The following GNG7 variants were observed in gnomAD, a reference collection of about 807,000 sequenced individuals.
GNG7 encodes G protein subunit gamma 7, also known as guanine nucleotide-binding protein G(I)/G(S)/G(O) subunit gamma-7.
Under a neutral mutation model 4.0 loss-of-function variants are expected in GNG7, and 1 was observed. That is an observed-to-expected ratio of 0.25 (90% CI 0.09 to 1.18). The LOEUF (loss-of-function observed/expected upper bound fraction) is 1.18. Ranked by LOEUF, GNG7 falls within the 50% of genes most tolerant of loss-of-function variation. The pLI, the probability that GNG7 is intolerant of heterozygous loss-of-function variation, is 0.50. For missense variants in GNG7, 86 were observed against 91.9 expected (o/e 0.94, Z 0.26); for synonymous variants, 34 against 36.9 (o/e 0.92, Z 0.29).
chr19:2,650,389 A>C (rs886900730), intron 1 of GNG7, among the ~76,000 whole-genome samples: 2 of 151,944 alleles, frequency 1.3e-5, no homozygotes, highest in African/African-American at 4.8e-5. Flanking sequence ...GGGTTTCCTC[A>C]TGTTGGCCAG....
At position 2,614,921 on chromosome 19, in the gene GNG7, G is replaced by C. The variant is rs1039899142; in HGVS notation, c.-78+31303C>G. ...ACACATCAATTCTCAATGCCAAGGC[G>C]TTCCTCAGCTTTTAAACAAGGCACT... On this transcript the variant is annotated intron_variant, in intron 2 of 4. Coordinates refer to ENST00000382159, the MANE Select transcript of GNG7 (RefSeq NM_052847.3). The surrounding 1 kb of genome is among the most constrained non-coding windows in gnomAD (Gnocchi z 6.0). Among the ~76,000 whole-genome samples the C allele has an allele frequency of 6.6e-6, 1 of 152,180 alleles. No homozygotes were observed. Among genetic ancestry groups the C allele is most frequent in the Admixed American group, 6.5e-5 (1 of 15,276 alleles).
intron 2 of GNG7, among the ~76,000 whole-genome samples, chr19:2,624,630 T>C (rs2144836091): frequency 6.6e-6 from 1 of 152,050 alleles, no homozygotes; most frequent in East Asian, 1.9e-4. Context: ...TTGCCGGTGG[T>C]GCCACAGCAC....
At chr19:2,676,660 C>A (rs8107994) in intron 1 of GNG7, among the ~76,000 whole-genome samples, 48,641 of 151,950 alleles carry the variant, frequency 0.32, 8,947 homozygotes, top group East Asian at 0.55. Flanking sequence ...AAGTGATCCT[C>A]CCGCCTCGGC....
At chr19:2,573,582 C>T (rs1335269035) in intron 2 of GNG7, among the ~76,000 whole-genome samples, 5 of 151,852 alleles carry the variant, frequency 3.3e-5, no homozygotes, top group Middle Eastern at 6.8e-3. Context: ...TTTCGGAGGC[C>T]GAGGCGGGCA....
chr19:2,611,593 T>C lies in GNG7; in HGVS notation c.-78+34631A>G, dbSNP rs1450649398. 1 of 152,232 alleles carries C rather than the reference T, an allele frequency of 6.6e-6. No homozygotes were observed. Among genetic ancestry groups the C allele is most frequent in the Non-Finnish European group, 1.5e-5 (1 of 68,064 alleles). 9.4% of individuals were successfully genotyped at this position (152,232 alleles called of 1,614,324 possible). On this transcript the variant is annotated intron_variant, in intron 2 of 4. Transcript: ENST00000382159. This position sits in a 1 kb window ranked among gnomAD's most constrained non-coding sequence, Gnocchi z 6.0. ...GGCTCACGCCTGTAATCCCAGCACT[T>C]GGAGAGGCCAAGGTGGGAGGATAAC...
At chr19:2,698,920 C>A (rs991066278) in intron 1 of GNG7, among the ~76,000 whole-genome samples, 3 of 152,216 alleles carry the variant, frequency 2.0e-5, no homozygotes, top group African/African-American at 7.2e-5. Flanking sequence ...CAGAAAATAA[C>A]GGTATCGGTC....
At position 2,512,260 on chromosome 19, in the gene GNG7, C is replaced by T. The variant is rs16991186; in HGVS notation, c.*2762G>A. 9.1e-6 allele frequency: 9 copies of T among 985,736 alleles called. No individual in the cohort carries two copies. Among genetic ancestry groups the T allele is most frequent in the Non-Finnish European group, 1.1e-5 (9 of 829,968 alleles). 61.1% of individuals were successfully genotyped at this position (985,736 alleles called of 1,614,324 possible). ...AACATGCGTTCACCCCAGGGATTCC[C>T]GGCAGAAAAGCACATGTGGCGGTCG... On this transcript the variant is annotated 3_prime_UTR_variant, in exon 5 of 5. Coordinates refer to ENST00000382159, the MANE Select transcript of GNG7 (RefSeq NM_052847.3). The surrounding 1 kb of genome is among the most constrained non-coding windows in gnomAD (Gnocchi z 4.7).
At chr19:2,658,443 C>G (rs1002921308) in intron 1 of GNG7, among the ~76,000 whole-genome samples, 6 of 151,806 alleles carry the variant, frequency 4.0e-5, no homozygotes, top group Non-Finnish European at 8.8e-5. Flanking sequence ...CGTGGTACAT[C>G]CCCCGAAACC....
chr19:2,661,270 A>G (rs60388592), intron 1 of GNG7, among the ~76,000 whole-genome samples: 9,147 of 70,732 alleles, frequency 0.13, 953 homozygotes, highest in Non-Finnish European at 0.14. Flanking sequence ...AGAAAGAAAG[A>G]AAAGAAAGAA....
chr19:2,521,952 T>G (rs1457738879), intron 3 of GNG7, among the ~76,000 whole-genome samples: 1 of 152,132 alleles, frequency 6.6e-6, no homozygotes, highest in Non-Finnish European at 1.5e-5. Context: ...CCCATGCTGT[T>G]GCTTCTTGAA....
chr19:2,677,070 C>A (rs1047045138), intron 1 of GNG7, among the ~76,000 whole-genome samples: 1 of 152,104 alleles, frequency 6.6e-6, no homozygotes, highest in African/African-American at 2.4e-5. Context: ...ATCTGTGTCA[C>A]CACAGAGGAA....
intron 4 of GNG7, among the ~76,000 whole-genome samples, chr19:2,517,986 C>G (rs1016907716): frequency 6.6e-6 from 1 of 152,210 alleles, no homozygotes; most frequent in African/African-American, 2.4e-5. Context: ...TGTGATGACT[C>G]GGACCTGGCC....
At chr19:2,531,303 CAAAAAAAAA>C (rs58133235) in intron 3 of GNG7, among the ~76,000 whole-genome samples, 1,562 of 95,046 alleles carry the variant, frequency 0.016, 22 homozygotes, top group Non-Finnish European at 0.02. Flanking sequence ...GATTCCGTCT[CAAAAAAAAA>C]AAAAAAAAAA....
chr19:2,677,109 A>G (rs1219006251), intron 1 of GNG7, among the ~76,000 whole-genome samples: 1 of 152,136 alleles, frequency 6.6e-6, no homozygotes, highest in Non-Finnish European at 1.5e-5. Context: ...ACTTGCATAT[A>G]TGCTCGCAAG....
intron 1 of GNG7, among the ~76,000 whole-genome samples, chr19:2,692,523 T>C (rs1913158341): frequency 1.3e-5 from 2 of 151,496 alleles, no homozygotes; most frequent in South Asian, 4.1e-4. Flanking sequence ...TAGTCCCAGC[T>C]ACTCGGGAGG....
chr19:2,651,443 C>T (rs1568274576), intron 1 of GNG7, among the ~76,000 whole-genome samples: 1 of 142,502 alleles, frequency 7.0e-6, no homozygotes. Flanking sequence ...CTCCCTCCTG[C>T]CTTCCTTTCC....
chr19:2,513,367 G>T lies in GNG7; in HGVS notation c.*1655C>A, dbSNP rs1599366902. ...GCTTCTAGGCCAGCCCCGTGGAGGGGGTCGGGGCGGCCAGGCCTCCTGCGA... is the reference window on the plus strand; with the variant it reads ...GCTTCTAGGCCAGCCCCGTGGAGGGTGTCGGGGCGGCCAGGCCTCCTGCGA... On this transcript the variant is annotated 3_prime_UTR_variant, in exon 5 of 5. Coordinates refer to ENST00000382159, the MANE Select transcript of GNG7 (RefSeq NM_052847.3). 4.6e-6 allele frequency: 2 copies of T among 438,236 alleles called. No homozygotes were observed. Among genetic ancestry groups the T allele is most frequent in the South Asian group, 9.7e-5 (1 of 10,338 alleles). The allele number at this position is 438,236 out of a possible 1,614,324, so 27.1% of individuals were successfully genotyped here. A position where few individuals can be genotyped will look rare whatever the true frequency, so the allele number is the denominator to read the frequency against.
At chr19:2,568,205 A>C (rs1248252120) in intron 2 of GNG7, among the ~76,000 whole-genome samples, 1 of 151,608 alleles carries the variant, frequency 6.6e-6, no homozygotes, top group Non-Finnish European at 1.5e-5. Flanking sequence ...ACACATATAG[A>C]CATACACATA....
chr19:2,696,613 G>A (rs542542236), intron 1 of GNG7, among the ~76,000 whole-genome samples: 5 of 152,338 alleles, frequency 3.3e-5, no homozygotes, highest in Admixed American at 1.3e-4. Flanking sequence ...TCCACGCACC[G>A]GAACACGACT....
Sources: allele counts gnomAD v4.1 joint callset (sites outside exome capture counted in the v4.1 genomes callset), GRCh38; gene constraint gnomAD v4.1.1; non-coding constraint Gnocchi (gnomAD v3.1); transcripts MANE v1.5; gene names NCBI Gene and HGNC (gene_info 2026-07-23, HGNC 2026-07-21).